RSPH10B: variants seen among roughly 807,000 people sequenced by gnomAD.
The protein encoded by RSPH10B is radial spoke head 10 homolog B, also known as radial spoke head 10 homolog B (Chlamydomonas).
In RSPH10B, 7 loss-of-function variants were observed where a neutral mutation model predicts 52.5. That is an observed-to-expected ratio of 0.13 (90% CI 0.08 to 0.25). The LOEUF (loss-of-function observed/expected upper bound fraction) is 0.25. Ranked by LOEUF, RSPH10B falls within the 10% of genes least tolerant of loss-of-function variation. RSPH10B has a pLI of 1.00. For missense variants in RSPH10B, 89 were observed against 542.5 expected, an observed-to-expected ratio of 0.16 and a Z score of 8.30; for synonymous variants, 28 against 193.2, an observed-to-expected ratio of 0.14 and a Z score of 7.09.
chr7:5,942,128 C>T (rs1483955740), intron 13 of RSPH10B, among the ~76,000 whole-genome samples: 2 of 147,868 alleles, frequency 1.4e-5, no homozygotes, highest in Admixed American at 6.9e-5. Flanking sequence ...CTCCTGACCT[C>T]GGGTGATCCA....
intron 13 of RSPH10B, among the ~76,000 whole-genome samples, chr7:5,942,955 T>C (rs1156813541): frequency 6.8e-6 from 1 of 147,918 alleles, no homozygotes; most frequent in African/African-American, 2.5e-5. Context: ...GCCCATGGCA[T>C]ATATAAATAT....
intron 18 of RSPH10B, among the ~76,000 whole-genome samples, chr7:5,927,022 C>CGCGTGTGTGTGTGT (rs1554284429): frequency 1.0e-5 from 1 of 95,926 alleles, no homozygotes; most frequent in African/African-American, 4.8e-5. Flanking sequence ...CCCAAAGTTA[C>CGCGTGTGTGTGTGT]GTGTGTGTGT....
At position 5,931,698 on chromosome 7, in the gene RSPH10B, TAA is replaced by T. The variant is rs5882077; in HGVS notation, c.2233+1082_2233+1083del. Among the ~76,000 whole-genome samples, 908 of 141,032 alleles carry T rather than the reference TAA, an allele frequency of 6.4e-3. 1 individual carries two copies. Among genetic ancestry groups the T allele is most frequent in the African/African-American group, 9.0e-3 (345 of 38,296 alleles). The allele number at this position is 141,032 out of a possible 152,430, so 92.5% of individuals were successfully genotyped here. On this transcript the variant is annotated intron_variant, in intron 17 of 18. Coordinates refer to ENST00000337579, the Ensembl canonical transcript of RSPH10B. ...GGCAACAGAGCAAGAACCCACCTCT[TAA>T]AAAAAAAAAAAAAAATGCCCAGGGG...
At chr7:5,948,337 C>T in exon 10 of RSPH10B, 2 of 18,972 alleles carry the variant, frequency 1.1e-4, no homozygotes, top group South Asian at 6.4e-4. Flanking sequence ...AGAGAGTGGC[C>T]GCATCCCAGG....
chr7:5,944,945 A>C, intron 11 of RSPH10B, 119 bp downstream of exon 13: 2 of 596,720 alleles, frequency 3.4e-6, no homozygotes, highest in Non-Finnish European at 6.1e-6. Flanking sequence ...CCTGGGCGAC[A>C]GAGCAAGACT....
intron 17 of RSPH10B, among the ~76,000 whole-genome samples, chr7:5,930,879 G>A (rs1779726166): frequency 1.7e-5 from 1 of 60,320 alleles, no homozygotes; most frequent in Non-Finnish European, 3.4e-5. Context: ...AGCAGCAAAG[G>A]AGCAGGGAAA....
intron 13 of RSPH10B, chr7:5,943,109 G>A: frequency 1.9e-6 from 2 of 1,053,044 alleles, no homozygotes; most frequent in East Asian, 2.7e-5. Flanking sequence ...GCCCTAATCT[G>A]TTAGCATATT....
Position 5,958,973 on chromosome 7 carries a change from G to A in RSPH10B, c.659+20C>T, listed in dbSNP as rs753070281. 31 of 1,327,224 alleles carry A rather than the reference G, an allele frequency of 2.3e-5. 9 individuals are homozygous for A. Among genetic ancestry groups the A allele is most frequent in the Non-Finnish European group, 2.7e-5 (25 of 936,248 alleles). 82.2% of individuals were successfully genotyped at this position (1,327,224 alleles called of 1,614,324 possible). The stretch of plus-strand genomic sequence containing the variant: ...ACCCTTCTTCATCTACACCCCAAGC[G>A]CGGCGGTGGTCATACCTACCATCTT... On this transcript the variant is annotated intron_variant, in intron 5 of 18. Coordinates refer to ENST00000337579, the Ensembl canonical transcript of RSPH10B.
At chr7:5,950,011 C>CA (rs1202071684) in intron 9 of RSPH10B, among the ~76,000 whole-genome samples, 10 of 40,812 alleles carry the variant, frequency 2.5e-4, no homozygotes, top group African/African-American at 8.9e-4. Flanking sequence ...AAAAAAAAAA[C>CA]AAAAAAAAAG....
At chr7:5,956,598 G>A (rs1175106543) in intron 6 of RSPH10B, among the ~76,000 whole-genome samples, 5 of 147,036 alleles carry the variant, frequency 3.4e-5, no homozygotes, top group African/African-American at 7.4e-5. Flanking sequence ...TTGAGAAAGG[G>A]TCTCACTCTG....
intron 6 of RSPH10B, among the ~76,000 whole-genome samples, chr7:5,956,712 G>C (rs1331871029): frequency 6.7e-6 from 1 of 149,442 alleles, no homozygotes; most frequent in Non-Finnish European, 1.5e-5. Flanking sequence ...AGGACTACAG[G>C]CACCAGCAAC....
intron 18 of RSPH10B, 194 bp downstream of exon 20, chr7:5,928,002 C>T: frequency 1.4e-6 from 1 of 722,142 alleles, no homozygotes; most frequent in South Asian, 1.8e-5. Flanking sequence ...TATCCCATTA[C>T]TCAGGAAGTT....
chr7:5,964,885 AT>A (rs1781054898), intron 2 of RSPH10B, among the ~76,000 whole-genome samples: 2 of 147,578 alleles, frequency 1.4e-5, no homozygotes, highest in South Asian at 2.1e-4. Flanking sequence ...AAGTGCTGGG[AT>A]TATAGGCATG....
intron 18 of RSPH10B, among the ~76,000 whole-genome samples, chr7:5,927,066 G>GTA (rs1227035142): frequency 3.4e-4 from 36 of 107,328 alleles, no homozygotes; most frequent in African/African-American, 9.4e-4. Context: ...GTGTGTGTGT[G>GTA]TATATGTGTG....
chr7:5,931,899 G>A (rs934363221), intron 17 of RSPH10B, among the ~76,000 whole-genome samples: 2 of 151,114 alleles, frequency 1.3e-5, no homozygotes, highest in Non-Finnish European at 3.0e-5. Context: ...TGAGGCAGGA[G>A]AATCACTTGA....
At chr7:5,963,902 CAAAAAAAA>C (rs529339716) in intron 3 of RSPH10B, among the ~76,000 whole-genome samples, 1 of 83,196 alleles carries the variant, frequency 1.2e-5, no homozygotes, top group African/African-American at 4.5e-5. Flanking sequence ...CCTGTCTCTA[CAAAAAAAA>C]AAAAAAAAAG....
At chr7:5,926,888 G>C (rs1779453470) in intron 18 of RSPH10B, among the ~76,000 whole-genome samples, 1 of 141,626 alleles carries the variant, frequency 7.1e-6, no homozygotes, top group African/African-American at 2.6e-5. Flanking sequence ...CTGAATAGCT[G>C]GGATTATAGG....
intron 3 of RSPH10B, among the ~76,000 whole-genome samples, chr7:5,964,210 G>A (rs923226958): frequency 6.7e-6 from 1 of 150,042 alleles, no homozygotes; most frequent in East Asian, 1.9e-4. Context: ...ACTCCAGCCT[G>A]GGCAACAGAG....
chr7:5,947,916 G>A (rs1316292505), intron 10 of RSPH10B, among the ~76,000 whole-genome samples: 1 of 91,174 alleles, frequency 1.1e-5, no homozygotes, highest in Non-Finnish European at 2.4e-5. Flanking sequence ...CTGTCACCCA[G>A]GCTGGAGTGC....
Sources: allele counts gnomAD v4.1 joint callset (sites outside exome capture counted in the v4.1 genomes callset), GRCh38; gene constraint gnomAD v4.1.1; transcripts MANE v1.5; gene names NCBI Gene and HGNC (gene_info 2026-07-23, HGNC 2026-07-21).